The following RASSF3 variants were observed in gnomAD, a reference collection of about 807,000 sequenced individuals.
The protein encoded by RASSF3 is Ras association domain family member 3.
Under a neutral mutation model 19.9 loss-of-function variants are expected in RASSF3, and 19 were observed. The observed-to-expected ratio is 0.96, with a 90% CI of 0.67 to 1.40. The LOEUF (loss-of-function observed/expected upper bound fraction) is 1.40, where lower values mean the gene tolerates loss of function less well. RASSF3 is among the 40% of genes most tolerant of loss of function. The pLI, the probability that RASSF3 is intolerant of heterozygous loss-of-function variation, is 0.00. For synonymous variants in RASSF3, 110 were observed against 104.2 expected (o/e 1.06, Z -0.34); for missense variants, 306 against 289.8 (o/e 1.06, Z -0.41).
intron 1 of RASSF3, among the ~76,000 whole-genome samples, chr12:64,612,361 C>T (rs1182661939): frequency 6.6e-6 from 1 of 152,064 alleles, no homozygotes; most frequent in Non-Finnish European, 1.5e-5. Flanking sequence ...CTTGGATTCT[C>T]CAGGGGTGAG....
chr12:64,624,039 C>T (rs1870894677), intron 1 of RASSF3, among the ~76,000 whole-genome samples: 1 of 151,910 alleles, frequency 6.6e-6, no homozygotes, highest in Non-Finnish European at 1.5e-5. Context: ...GGTGCTGCTG[C>T]CATGCAGGGG....
chr12:64,656,985 G>A (rs914459840), intron 1 of RASSF3, among the ~76,000 whole-genome samples: 1 of 151,748 alleles, frequency 6.6e-6, no homozygotes, highest in Admixed American at 6.6e-5. Context: ...AGGGAAATAG[G>A]GAGTCAGTGT....
At chr12:64,514,738 G>C (rs1210876791) in intron 1 of RASSF3, among the ~76,000 whole-genome samples, 4 of 152,044 alleles carry the variant, frequency 2.6e-5, no homozygotes, top group Non-Finnish European at 5.9e-5. Flanking sequence ...ATTTCAATTA[G>C]CAAAGTTTCT....
intron 1 of RASSF3, among the ~76,000 whole-genome samples, chr12:64,614,855 G>T (rs1363297423): frequency 6.6e-6 from 1 of 151,206 alleles, no homozygotes; most frequent in Admixed American, 6.6e-5. Flanking sequence ...CCGCTGCCAG[G>T]CCTGGCTTTT....
chr12:64,646,841 C>T (rs1020715271), intron 1 of RASSF3, among the ~76,000 whole-genome samples: 3 of 151,644 alleles, frequency 2.0e-5, no homozygotes, highest in Non-Finnish European at 2.9e-5. Flanking sequence ...ACAACTGTAG[C>T]GGTTACTGAG....
At chr12:64,563,220 A>G (rs7312515) in intron 2 of RASSF3, among the ~76,000 whole-genome samples, 150,361 of 151,620 alleles carry the variant, frequency 0.99, 74,568 homozygotes, top group Middle Eastern at 1. Context: ...AGGCTGGAGG[A>G]CAATTGCGTG....
chr12:64,559,532 G>A (rs946892316), intron 2 of RASSF3, among the ~76,000 whole-genome samples: 6 of 152,112 alleles, frequency 3.9e-5, no homozygotes, highest in Non-Finnish European at 7.4e-5. Context: ...GCCTCCCAAA[G>A]TGCTGGGATT....
intron 2 of RASSF3, among the ~76,000 whole-genome samples, chr12:64,564,142 T>A (rs1408901958): frequency 6.6e-6 from 1 of 152,202 alleles, no homozygotes; most frequent in East Asian, 1.9e-4. Context: ...ATCCCAAATG[T>A]TGGGGTTTGT....
intron 1 of RASSF3, among the ~76,000 whole-genome samples, chr12:64,513,911 G>C (rs188340777): frequency 6.6e-6 from 1 of 152,118 alleles, no homozygotes; most frequent in East Asian, 1.9e-4. Flanking sequence ...ACAGAGTCTC[G>C]CTCTGTCACC....
intron 1 of RASSF3, among the ~76,000 whole-genome samples, chr12:64,660,177 A>G (rs1203927236): frequency 2.0e-5 from 3 of 151,934 alleles, no homozygotes; most frequent in Non-Finnish European, 4.4e-5. Flanking sequence ...CTCTGCCTCA[A>G]AAAGTGCTAG....
At chr12:64,539,144 A>G (rs1244981881) in intron 1 of RASSF3, among the ~76,000 whole-genome samples, 1 of 152,224 alleles carries the variant, frequency 6.6e-6, no homozygotes. Context: ...TTTATTTCTT[A>G]CAGTTCTTCA....
At chr12:64,621,078 G>A (rs1870743441) in intron 1 of RASSF3, among the ~76,000 whole-genome samples, 2 of 152,116 alleles carry the variant, frequency 1.3e-5, no homozygotes, top group East Asian at 1.9e-4. Flanking sequence ...TGGGATTACA[G>A]GCGCCTGCCA....
intron 1 of RASSF3, among the ~76,000 whole-genome samples, chr12:64,518,242 C>T (rs1345686817): frequency 1.3e-5 from 2 of 152,168 alleles, no homozygotes; most frequent in Non-Finnish European, 2.9e-5. Context: ...CTTTCATATA[C>T]TCCATCTGTT....
chr12:64,570,862 A>T (rs1449424854), intron 2 of RASSF3, among the ~76,000 whole-genome samples: 2 of 152,168 alleles, frequency 1.3e-5, no homozygotes, highest in Non-Finnish European at 2.9e-5. Context: ...CAGAGGACGA[A>T]CTGGAGACAC....
At chr12:64,567,177 C>T (rs565753433) in intron 2 of RASSF3, among the ~76,000 whole-genome samples, 6 of 152,252 alleles carry the variant, frequency 3.9e-5, no homozygotes, top group South Asian at 2.1e-4. Context: ...ACCAATGCCC[C>T]GTGGGAGGCC....
rs1012142028 is a variant in RASSF3 at position 64,511,311 on chromosome 12, G to A, written c.169+3982G>A. ...CAAATATGAGATCTGGTGAAACCCC[G>A]TCTCTACTAAAAATATAAAAATTAA... On this transcript the variant is annotated intron_variant, in intron 1 of 5. Coordinates refer to the RASSF3 transcript ENST00000637125. Among the ~76,000 whole-genome samples, 7 of 152,126 alleles carry A rather than the reference G, an allele frequency of 4.6e-5. No homozygotes were observed. The South Asian group carries it at 8.3e-4, about 18-fold the overall frequency.
intron 1 of RASSF3, among the ~76,000 whole-genome samples, chr12:64,653,088 A>C (rs1872021484): frequency 6.6e-6 from 1 of 152,058 alleles, no homozygotes; most frequent in African/African-American, 2.4e-5. Context: ...TTCTCTTTTG[A>C]GATAGGGTCT....
intron 2 of RASSF3, among the ~76,000 whole-genome samples, chr12:64,553,641 C>T (rs1869203327): frequency 6.6e-6 from 1 of 152,124 alleles, no homozygotes; most frequent in African/African-American, 2.4e-5. Flanking sequence ...ACCATCCAGC[C>T]TCTACGTAAG....
At chr12:64,545,365 A>G (rs550916397), downstream of RASSF3, among the ~76,000 whole-genome samples, 24 of 152,328 alleles carry the variant, frequency 1.6e-4, no homozygotes, top group East Asian at 3.9e-3. Context: ...AGTAACTCGC[A>G]TTGTTTTCTT....
Sources: gnomAD v4.1 joint callset for allele counts (sites outside exome capture counted in the v4.1 genomes callset) on GRCh38, gnomAD v4.1.1 for gene constraint, MANE v1.5 for transcripts, NCBI Gene and HGNC (gene_info 2026-07-23, HGNC 2026-07-21) for gene names.